Variants in MYCBP2 observed in about 807,000 individuals in gnomAD.
MYCBP2 encodes the protein MYC binding protein 2, also known as E3 ubiquitin-protein ligase MYCBP2.
MYCBP2 carries 120 observed loss-of-function variants against 525.3 expected under a neutral mutation model. The ratio of observed to expected loss-of-function variants is 0.23; its 90% CI spans 0.20 to 0.27. The LOEUF is 0.27. Among genes scored for constraint, MYCBP2 ranks in the 10% least tolerant of loss-of-function variants. The pLI is 1.00. For missense variants in MYCBP2, 4,149 were observed against 5,657.1 expected, an observed-to-expected ratio of 0.73 and a Z score of 8.55; for synonymous variants, 1,894 against 1,955.8, an observed-to-expected ratio of 0.97 and a Z score of 0.83.
chr13:77,120,807 AT>A (rs2050563942), intron 55 of MYCBP2, among the ~76,000 whole-genome samples: 1 of 152,162 alleles, frequency 6.6e-6, no homozygotes. Flanking sequence ...TTATATTCAT[AT>A]GACTTAGGGT....
rs2043258905 is a variant in MYCBP2, at chr13:77,081,255, C to T, written c.11418+172G>A. On this transcript the variant is annotated intron_variant, in intron 65 of 82. Coordinates refer to ENST00000544440, the MANE Select transcript of MYCBP2 (RefSeq NM_015057.5). This position sits in a 1 kb window ranked among gnomAD's most constrained non-coding sequence, Gnocchi z 4.6. ...CAGAAATGGAATTCCACAGTGCTCC[C>T]AATCATATTAATTTGTTTTTAGACT... 1 of 609,958 alleles carries T rather than the reference C, an allele frequency of 1.6e-6. No individual in the cohort carries two copies. The highest frequency in any genetic ancestry group is 2.9e-6 in the Non-Finnish European group (1 of 350,222). The allele number at this position is 609,958 out of a possible 1,614,324, so 37.8% of individuals were successfully genotyped here. A position where few individuals can be genotyped will look rare whatever the true frequency, so the allele number is the denominator to read the frequency against.
chr13:77,163,907 C>G (rs977203764), intron 43 of MYCBP2, among the ~76,000 whole-genome samples: 1 of 152,192 alleles, frequency 6.6e-6, no homozygotes, highest in Non-Finnish European at 1.5e-5. Flanking sequence ...ACTGTTCCTT[C>G]ACAGTCTCAT....
chr13:77,245,541 G>A (rs1244133658), intron 15 of MYCBP2, among the ~76,000 whole-genome samples: 1 of 151,342 alleles, frequency 6.6e-6, no homozygotes, highest in Admixed American at 6.6e-5. Flanking sequence ...TCACTCATAA[G>A]TGGGAGTTGA....
chr13:77,101,596 T>C (rs1300270901), intron 55 of MYCBP2, among the ~76,000 whole-genome samples: 7 of 152,048 alleles, frequency 4.6e-5, no homozygotes, highest in Admixed American at 2.0e-4. Flanking sequence ...ATATCTCTAA[T>C]AGTGGTGAAT....
intron 1 of MYCBP2, among the ~76,000 whole-genome samples, chr13:77,300,642 C>T (rs1035084138): frequency 6.6e-6 from 1 of 152,112 alleles, no homozygotes; most frequent in Non-Finnish European, 1.5e-5. Context: ...GAGTATGCAA[C>T]ACAGATAAAA....
chr13:77,075,295 A>G (rs184363572), intron 68 of MYCBP2, among the ~76,000 whole-genome samples: 19 of 152,342 alleles, frequency 1.2e-4, no homozygotes, highest in African/African-American at 4.6e-4. Context: ...ACAGTTTAAA[A>G]TGAGGAATTT....
chr13:77,210,066 A>C (rs1244744817), intron 23 of MYCBP2, among the ~76,000 whole-genome samples: 1 of 152,196 alleles, frequency 6.6e-6, no homozygotes, highest in African/African-American at 2.4e-5. Flanking sequence ...CGCAAAAGGA[A>C]AGAAGTGCTC....
intron 20 of MYCBP2, 58 bp downstream of exon 20, chr13:77,224,393 G>GA (rs2065979265): frequency 1.9e-6 from 2 of 1,073,306 alleles, no homozygotes; most frequent in African/African-American, 3.2e-5. Flanking sequence ...AAAAAAGAAG[G>GA]AAAAGAAAAC....
intron 22 of MYCBP2, among the ~76,000 whole-genome samples, 177 bp downstream of exon 22, chr13:77,211,779 T>C (rs2064045074): frequency 6.6e-6 from 1 of 152,234 alleles, no homozygotes; most frequent in South Asian, 2.1e-4. Flanking sequence ...AATTATTCCA[T>C]TCTTTCAGCA....
chr13:77,087,765 G>T, intron 61 of MYCBP2, 132 bp from the exon 62 acceptor site: 1 of 796,312 alleles, frequency 1.3e-6, no homozygotes, highest in Non-Finnish European at 1.9e-6. Flanking sequence ...TAAAAAAAAT[G>T]CCTTATAGTT....
At chr13:77,222,855 C>G (rs1311123882) in intron 20 of MYCBP2, among the ~76,000 whole-genome samples, 1 of 152,124 alleles carries the variant, frequency 6.6e-6, no homozygotes, top group Non-Finnish European at 1.5e-5. Context: ...TATTTAATGA[C>G]TATGTGAAGG....
chr13:77,284,120 G>A (rs1462818646), intron 3 of MYCBP2, among the ~76,000 whole-genome samples: 3 of 151,524 alleles, frequency 2.0e-5, no homozygotes, highest in African/African-American at 7.3e-5. Flanking sequence ...CTATATAACA[G>A]TCAAACTCAA....
intron 34 of MYCBP2, 121 bp downstream of exon 34, chr13:77,180,006 C>A: frequency 1.5e-6 from 1 of 678,420 alleles, no homozygotes; most frequent in Non-Finnish European, 2.5e-6. Context: ...AAAAACAATG[C>A]ATTGGGGTTG....
chr13:77,265,063 C>CAGGAG (rs1179690205), intron 8 of MYCBP2, among the ~76,000 whole-genome samples: 1 of 151,962 alleles, frequency 6.6e-6, no homozygotes, highest in Non-Finnish European at 1.5e-5. Context: ...TTATCTTTGC[C>CAGGAG]CAGGAGCTTC....
chr13:77,146,100 AT>A, intron 48 of MYCBP2, 61 bp downstream of exon 48: 2 of 1,085,552 alleles, frequency 1.8e-6, no homozygotes, highest in South Asian at 1.7e-5. Flanking sequence ...ATGCAGGATG[AT>A]TTTAGTTGCA....
intron 1 of MYCBP2, among the ~76,000 whole-genome samples, chr13:77,307,134 A>G (rs1219036245): frequency 6.6e-6 from 1 of 152,100 alleles, no homozygotes; most frequent in Non-Finnish European, 1.5e-5. Flanking sequence ...AAGGCTAAAA[A>G]TATGTCCCTG....
At chr13:77,239,044 C>T (rs1248098329) in intron 17 of MYCBP2, among the ~76,000 whole-genome samples, 1 of 151,984 alleles carries the variant, frequency 6.6e-6, no homozygotes. Flanking sequence ...CGCTTGAAAC[C>T]GAGAGGCGGA....
intron 13 of MYCBP2, among the ~76,000 whole-genome samples, chr13:77,259,106 A>C (rs1235339901): frequency 6.6e-6 from 1 of 152,136 alleles, no homozygotes; most frequent in Non-Finnish European, 1.5e-5. Context: ...AATACAAAAA[A>C]TACAAAAAAT....
At chr13:77,276,351 A>G (rs1024793030) in intron 4 of MYCBP2, among the ~76,000 whole-genome samples, 26 of 152,170 alleles carry the variant, frequency 1.7e-4, no homozygotes, top group Non-Finnish European at 3.5e-4. Flanking sequence ...AATGGGAAAA[A>G]AAGGATAACC....
Sources: allele counts gnomAD v4.1 joint callset (sites outside exome capture counted in the v4.1 genomes callset), GRCh38; gene constraint gnomAD v4.1.1; non-coding constraint Gnocchi (gnomAD v3.1); transcripts MANE v1.5; gene names NCBI Gene and HGNC (gene_info 2026-07-23, HGNC 2026-07-21).